Variants in WDR70 observed in about 807,000 individuals in gnomAD.
The protein encoded by WDR70 is WD repeat domain 70.
WDR70 carries 53 observed loss-of-function variants against 88.6 expected under a neutral mutation model. The observed-to-expected ratio is 0.60, with a 90% confidence interval of 0.48 to 0.75. The LOEUF is 0.75. WDR70 is among the 30% of genes least tolerant of loss of function. The pLI is 0.00. For synonymous variants in WDR70, 280 were observed against 270.0 expected (o/e 1.04, Z -0.36); for missense variants, 610 against 823.2 (o/e 0.74, Z 3.17).
chr5:37,749,951 G>C (rs1425711849), intron 17 of WDR70, among the ~76,000 whole-genome samples: 1 of 151,592 alleles, frequency 6.6e-6, no homozygotes, highest in Admixed American at 6.6e-5. Flanking sequence ...TTCATTCCTT[G>C]GTTCTTTATT....
chr5:37,559,297 A>G (rs1267824316), intron 9 of WDR70, among the ~76,000 whole-genome samples: 1 of 152,008 alleles, frequency 6.6e-6, no homozygotes, highest in Non-Finnish European at 1.5e-5. Context: ...CTTTTCTTAT[A>G]ATTTGGCCTG....
Position 37,379,411 on chromosome 5 carries a change from G to A in WDR70, c.25+19G>A. ...AGCGAAGGTGGGTTTCATGAGGCGAGTCCGGGCGGGGTGGGCCGTGTCGGG... is the reference window on the plus strand; with the variant it reads ...AGCGAAGGTGGGTTTCATGAGGCGAATCCGGGCGGGGTGGGCCGTGTCGGG... On this transcript the variant is annotated intron_variant, in intron 1 of 17. Transcript: ENST00000265107. The A allele has an allele frequency of 6.2e-7, 1 of 1,613,670 alleles. No homozygotes were observed. The highest frequency in any genetic ancestry group is 8.5e-7 in the Non-Finnish European group (1 of 1,179,842).
At chr5:37,629,957 G>T (rs768965277) in intron 10 of WDR70, among the ~76,000 whole-genome samples, 40 of 152,108 alleles carry the variant, frequency 2.6e-4, no homozygotes, top group Non-Finnish European at 5.0e-4. Context: ...ATCTTGGGTT[G>T]TTGATTTGAT....
At chr5:37,400,625 C>G (rs1435181091) in intron 5 of WDR70, among the ~76,000 whole-genome samples, 7 of 152,092 alleles carry the variant, frequency 4.6e-5, no homozygotes, top group Non-Finnish European at 1.0e-4. Flanking sequence ...CACCAGAAAC[C>G]ACATTTGTCC....
intron 7 of WDR70, among the ~76,000 whole-genome samples, chr5:37,469,709 A>G (rs927750080): frequency 6.6e-5 from 10 of 152,186 alleles, no homozygotes; most frequent in Non-Finnish European, 1.0e-4. Flanking sequence ...TCATATTACT[A>G]TATAGCTACT....
chr5:37,465,378 T>A (rs899125786), intron 7 of WDR70, among the ~76,000 whole-genome samples: 4 of 152,236 alleles, frequency 2.6e-5, no homozygotes, highest in Admixed American at 1.3e-4. Context: ...TTTTGAATTT[T>A]CTTGGCCATT....
At chr5:37,449,616 AATAAATAAAT>A (rs1738608465) in intron 7 of WDR70, among the ~76,000 whole-genome samples, 3 of 126,474 alleles carry the variant, frequency 2.4e-5, no homozygotes, top group Admixed American at 8.9e-5. Flanking sequence ...AAAAATAAAA[AATAAATAAAT>A]AAATAAATAA....
intron 9 of WDR70, among the ~76,000 whole-genome samples, chr5:37,527,406 A>G (rs965514083): frequency 1.3e-5 from 2 of 152,140 alleles, no homozygotes; most frequent in Non-Finnish European, 2.9e-5. Context: ...TTAATAAATG[A>G]TGCTGTGAAA....
intron 8 of WDR70, among the ~76,000 whole-genome samples, chr5:37,485,156 C>A (rs1410465615): frequency 1.3e-5 from 2 of 152,090 alleles, no homozygotes; most frequent in Non-Finnish European, 2.9e-5. Context: ...TTACTCTTTT[C>A]CCCCATCTAG....
intron 9 of WDR70, among the ~76,000 whole-genome samples, chr5:37,603,877 A>T (rs1185060585): frequency 6.6e-6 from 1 of 152,214 alleles, no homozygotes; most frequent in Non-Finnish European, 1.5e-5. Flanking sequence ...TCTCTCATCA[A>T]ATAATACTGT....
intron 11 of WDR70, 97 bp from the exon 12 acceptor site, chr5:37,700,961 C>T (rs1747142174): frequency 2.8e-6 from 2 of 705,702 alleles, no homozygotes; most frequent in East Asian, 2.6e-5. Flanking sequence ...TTCTTCTTTA[C>T]AGTTATACAT....
Position 37,563,248 on chromosome 5 carries a change from G to A in WDR70, c.918-41816G>A, listed in dbSNP as rs1452185452. Among the ~76,000 whole-genome samples, 2 of 68,796 alleles carry A rather than the reference G, an allele frequency of 2.9e-5. 1 individual carries two copies. Among genetic ancestry groups the A allele is most frequent in the African/African-American group, 8.4e-5 (2 of 23,812 alleles). The allele number at this position is 68,796 out of a possible 152,430, so 45.1% of individuals were successfully genotyped here. ...GGGCTCCTCACTTCCCAGTAGGGGC[G>A]GCCAGGCAGAGGCGCCCCTCACTTT... On this transcript the variant is annotated intron_variant, in intron 9 of 17. Coordinates refer to ENST00000265107, the MANE Select transcript of WDR70 (RefSeq NM_018034.4).
rs186243069 is a variant in WDR70 at position 37,694,751 on chromosome 5, T to C, written c.1093-2904T>C. Among the ~76,000 whole-genome samples, 704 of 152,064 alleles carry C rather than the reference T, an allele frequency of 4.6e-3. 2 individuals are homozygous for C. The highest frequency in any genetic ancestry group is 8.6e-3 in the African/African-American group (355 of 41,476). The stretch of plus-strand genomic sequence containing the variant: ...TAGGAGAAATACCTAATGTAAATGA[T>C]GAGTTGATGGGTGCAGCAAACCACC... On this transcript the variant is annotated intron_variant, in intron 10 of 17. Coordinates refer to ENST00000265107, the MANE Select transcript of WDR70 (RefSeq NM_018034.4).
intron 7 of WDR70, among the ~76,000 whole-genome samples, chr5:37,462,879 G>A (rs1434650869): frequency 2.0e-5 from 3 of 151,816 alleles, no homozygotes; most frequent in Admixed American, 6.6e-5. Flanking sequence ...AGGAAACCAG[G>A]ACTCAGCAAA....
intron 17 of WDR70, among the ~76,000 whole-genome samples, chr5:37,733,333 C>T (rs1748206872): frequency 6.6e-6 from 1 of 152,032 alleles, no homozygotes; most frequent in Non-Finnish European, 1.5e-5. Context: ...CTCAAGATAC[C>T]CTTTTTCCAA....
chr5:37,594,302 T>C (rs1487650740), intron 9 of WDR70, among the ~76,000 whole-genome samples: 1 of 152,210 alleles, frequency 6.6e-6, no homozygotes, highest in Non-Finnish European at 1.5e-5. Flanking sequence ...CTTTAATCCA[T>C]CTTGAATTAA....
chr5:37,511,552 A>T (rs2112244145), intron 8 of WDR70, among the ~76,000 whole-genome samples: 1 of 152,154 alleles, frequency 6.6e-6, no homozygotes, highest in East Asian at 1.9e-4. Context: ...AGGAGAGGTG[A>T]TTGTTAGAGA....
intron 5 of WDR70, among the ~76,000 whole-genome samples, chr5:37,419,834 A>G (rs915922101): frequency 8.5e-5 from 13 of 152,086 alleles, no homozygotes; most frequent in African/African-American, 2.9e-4. Flanking sequence ...ATTTAGTGCA[A>G]TTATATTTTT....
chr5:37,631,887 AC>A (rs542330861), intron 10 of WDR70, among the ~76,000 whole-genome samples: 1 of 152,234 alleles, frequency 6.6e-6, no homozygotes, highest in Non-Finnish European at 1.5e-5. Context: ...CTGTGCACCC[AC>A]AGAGTACCAG....
Sources: allele counts gnomAD v4.1 joint callset (sites outside exome capture counted in the v4.1 genomes callset), GRCh38; gene constraint gnomAD v4.1.1; transcripts MANE v1.5; gene names NCBI Gene and HGNC (gene_info 2026-07-23, HGNC 2026-07-21).